The following DRC10 variants were observed in gnomAD, a reference collection of about 807,000 sequenced individuals.
DRC10 encodes IQ domain-containing protein D.
the DRC10 span, among the ~76,000 whole-genome samples, chr12:113,217,151 A>G: frequency 2.0e-5 from 3 of 152,108 alleles, no homozygotes; most frequent in Non-Finnish European, 4.4e-5. Flanking sequence ...CTAATGTATA[A>G]TGTTCCTTTT....
At chr12:113,210,425 A>G in the DRC10 span, among the ~76,000 whole-genome samples, 1 of 152,102 alleles carries the variant, frequency 6.6e-6, no homozygotes, top group Non-Finnish European at 1.5e-5. Context: ...GAAAATCCCA[A>G]GTCCAGGACT....
the DRC10 span, chr12:113,207,433 A>C: frequency 6.2e-7 from 1 of 1,605,144 alleles, no homozygotes; most frequent in African/African-American, 1.3e-5. Context: ...ACTATGAAAC[A>C]ATACCTCTGC....
chr12:113,218,372 T>C, the DRC10 span, among the ~76,000 whole-genome samples: 2 of 152,000 alleles, frequency 1.3e-5, no homozygotes, highest in East Asian at 3.9e-4. Flanking sequence ...TCAAATTCCC[T>C]ACCTCAGGTG....
the DRC10 span, among the ~76,000 whole-genome samples, chr12:113,198,977 A>G: frequency 6.6e-6 from 1 of 152,010 alleles, no homozygotes; most frequent in Non-Finnish European, 1.5e-5. Flanking sequence ...TCGCTCTGTC[A>G]CCCAGGCTGG....
chr12:113,215,960 T>A, the DRC10 span, among the ~76,000 whole-genome samples: 1 of 152,218 alleles, frequency 6.6e-6, no homozygotes, highest in East Asian at 1.9e-4. Flanking sequence ...GTTGTTTTCT[T>A]ACAAATTTAA....
chr12:113,217,303 A>G, the DRC10 span, among the ~76,000 whole-genome samples: 1 of 151,924 alleles, frequency 6.6e-6, no homozygotes, highest in Non-Finnish European at 1.5e-5. Flanking sequence ...CCTTTCCTGC[A>G]TAGTACTAAT....
chr12:113,196,073 T>A, the DRC10 span, among the ~76,000 whole-genome samples: 3 of 152,158 alleles, frequency 2.0e-5, no homozygotes, highest in Non-Finnish European at 2.9e-5. Flanking sequence ...ATCCTAGCTC[T>A]AGGAAGGACC....
the DRC10 span, among the ~76,000 whole-genome samples, chr12:113,205,230 T>C: frequency 2.0e-5 from 3 of 150,824 alleles, no homozygotes; most frequent in Admixed American, 2.0e-4. Flanking sequence ...GAATTTTTTT[T>C]TAAAAAAAAA....
At chr12:113,195,561 G>T in the DRC10 span, 332 of 1,571,774 alleles carry the variant, frequency 2.1e-4, 2 homozygotes, top group African/African-American at 4.2e-3. Context: ...TCAGGAGCGG[G>T]CTGGGTGGAG....
the DRC10 span, among the ~76,000 whole-genome samples, chr12:113,210,358 G>A: frequency 1.3e-5 from 2 of 152,114 alleles, no homozygotes; most frequent in Non-Finnish European, 2.9e-5. Flanking sequence ...TGAATGAGAA[G>A]CCTGCACGCT....
At chr12:113,217,953 G>A in the DRC10 span, among the ~76,000 whole-genome samples, 1 of 152,206 alleles carries the variant, frequency 6.6e-6, no homozygotes, top group Non-Finnish European at 1.5e-5. Context: ...TTGCCCTCCA[G>A]AAGACATTTG....
At chr12:113,207,530 G>A in the DRC10 span, 1 of 1,613,784 alleles carries the variant, frequency 6.2e-7, no homozygotes, top group Non-Finnish European at 8.5e-7. Context: ...CTGATATCCT[G>A]TAAGAACTGG....
At chr12:113,201,720 C>T in the DRC10 span, among the ~76,000 whole-genome samples, 5 of 152,312 alleles carry the variant, frequency 3.3e-5, no homozygotes, top group African/African-American at 9.6e-5. Context: ...CTGAGCACAG[C>T]GGTGCTATGG....
the DRC10 span, among the ~76,000 whole-genome samples, chr12:113,212,395 A>T: frequency 6.6e-6 from 1 of 152,040 alleles, no homozygotes; most frequent in Admixed American, 6.6e-5. Context: ...AGTGAAAAAA[A>T]AGTTTTAGGG....
At chr12:113,204,062 G>A in the DRC10 span, among the ~76,000 whole-genome samples, 112 of 152,214 alleles carry the variant, frequency 7.4e-4, 1 homozygote, top group Non-Finnish European at 1.3e-3. Context: ...GCAACATAGC[G>A]AGACCCTGTC....
chr12:113,207,097 C>G, the DRC10 span: 1 of 375,536 alleles, frequency 2.7e-6, no homozygotes, highest in South Asian at 2.2e-5. Flanking sequence ...GCGCAGTGGC[C>G]AGCACTTTGG....
At chr12:113,202,894 T>C in the DRC10 span, 1 of 321,218 alleles carries the variant, frequency 3.1e-6, no homozygotes, top group Non-Finnish European at 6.5e-6. Context: ...GTCTCTGTTA[T>C]AGCAGCCAAA....
At chr12:113,201,574 C>T in the DRC10 span, among the ~76,000 whole-genome samples, 4 of 152,222 alleles carry the variant, frequency 2.6e-5, no homozygotes, top group Non-Finnish European at 5.9e-5. Flanking sequence ...CAGGGATTGC[C>T]ACCGGGCTCT....
the DRC10 span, chr12:113,208,269 G>A: frequency 6.8e-7 from 1 of 1,475,404 alleles, no homozygotes; most frequent in Non-Finnish European, 8.9e-7. Context: ...CCTGCAAAAT[G>A]AAGAAGTAGG....
Sources: allele counts gnomAD v4.1 joint callset (sites outside exome capture counted in the v4.1 genomes callset), GRCh38; gene constraint gnomAD v4.1.1; transcripts MANE v1.5; gene names NCBI Gene and HGNC (gene_info 2026-07-23, HGNC 2026-07-21).